Variants in DLEC1 observed in about 807,000 individuals in gnomAD.
DLEC1 encodes the protein DLEC1 cilia and flagella associated protein.
In DLEC1, 146 loss-of-function variants were observed where a neutral mutation model predicts 198.1. The observed-to-expected ratio is 0.74, with a 90% CI of 0.64 to 0.85. The LOEUF is 0.85. Ranked by LOEUF, DLEC1 falls within the 40% of genes least tolerant of loss-of-function variation. The probability of loss-of-function intolerance (pLI) is 0.00; values close to 1 mark genes in which losing one functional copy is unlikely to be tolerated. For synonymous variants in DLEC1, 897 were observed against 866.8 expected, an observed-to-expected ratio of 1.03 and a Z score of -0.61; for missense variants, 2,233 against 2,220.0, an observed-to-expected ratio of 1.01 and a Z score of -0.12.
chr3:38,103,573 C>A (rs374886702), intron 19 of DLEC1: 1 of 152,174 alleles, frequency 6.6e-6, no homozygotes. Context: ...TATTACATTT[C>A]TTTGCATTCA....
At chr3:38,041,203 T>A (rs1020142859) in intron 1 of DLEC1, among the ~76,000 whole-genome samples, 1 of 152,002 alleles carries the variant, frequency 6.6e-6, no homozygotes, top group Non-Finnish European at 1.5e-5. Flanking sequence ...AGGGTTTCAC[T>A]GTGTTAGCCA....
intron 6 of DLEC1, among the ~76,000 whole-genome samples, chr3:38,077,332 G>A (rs1458989161): frequency 2.0e-5 from 3 of 152,220 alleles, no homozygotes; most frequent in Admixed American, 2.0e-4. Flanking sequence ...CACAGTCTAA[G>A]TTGGTCCAGT....
At chr3:38,107,439 T>G (rs1029091017) in intron 19 of DLEC1, 145 bp from the exon 20 acceptor site, 1 of 773,612 alleles carries the variant, frequency 1.3e-6, no homozygotes. Context: ...TCCTGAAACT[T>G]TGCCGAACCC....
At chr3:38,088,166 A>G (rs1003689096) in intron 9 of DLEC1, 130 bp from the exon 10 acceptor site, 3 of 766,112 alleles carry the variant, frequency 3.9e-6, no homozygotes, top group Non-Finnish European at 4.3e-6. Context: ...TTTTTTCATT[A>G]CCATGTGACT....
intron 7 of DLEC1, among the ~76,000 whole-genome samples, chr3:38,084,742 C>A (rs933404843): frequency 1.3e-5 from 2 of 151,902 alleles, no homozygotes; most frequent in South Asian, 4.2e-4. Flanking sequence ...GAGGGCTCCT[C>A]ATGCTCCACC....
At chr3:38,074,504 C>T (rs1254161893) in intron 6 of DLEC1, among the ~76,000 whole-genome samples, 2 of 152,164 alleles carry the variant, frequency 1.3e-5, no homozygotes, top group Non-Finnish European at 2.9e-5. Flanking sequence ...TTCGTCTTTA[C>T]CTTGGGTAGT....
rs138849675 is a variant in DLEC1 at position 38,047,737 on chromosome 3, T to A, written c.562+2044T>A. Among the ~76,000 whole-genome samples, 1,137 of 152,190 alleles carry A rather than the reference T, an allele frequency of 7.5e-3. 12 individuals carry two copies. Among genetic ancestry groups the A allele is most frequent in the Non-Finnish European group, 8.6e-3 (588 of 67,988 alleles). On this transcript the variant is annotated intron_variant, in intron 2 of 36. Coordinates refer to ENST00000308059, the MANE Select transcript of DLEC1 (RefSeq NM_007335.4). ...CTGTGTGTTTCCCTCAGGAGGTACA[T>A]GATATGTGGTTGCTATCTCTCCTTT...
Position 38,097,286 on chromosome 3 carries a change from G to A in DLEC1, c.2434+11G>A. The A allele has an allele frequency of 6.4e-7, 1 of 1,570,172 alleles. No individual in the cohort carries two copies. The highest frequency in any genetic ancestry group is 2.4e-5 in the East Asian group (1 of 42,378). ...GCACAGGGGTCATAGGTACCTTGGGGACTGCAGGAGGGGTTGTGACCTGCC... is the reference window on the plus strand; with the variant it reads ...GCACAGGGGTCATAGGTACCTTGGGAACTGCAGGAGGGGTTGTGACCTGCC... On this transcript the variant is annotated intron_variant, in intron 16 of 36. Coordinates refer to ENST00000308059, the MANE Select transcript of DLEC1 (RefSeq NM_007335.4).
chr3:38,121,959 C>T (rs74921992), intron 35 of DLEC1, 112 bp from the exon 36 acceptor site: 31,967 of 1,535,820 alleles, frequency 0.021, 418 homozygotes, highest in African/African-American at 0.04. Context: ...GGTTGCCCTG[C>T]CCTGCAGTGC....
At chr3:38,078,038 A>T (rs1030422659) in intron 6 of DLEC1, among the ~76,000 whole-genome samples, 14 of 150,612 alleles carry the variant, frequency 9.3e-5, no homozygotes, top group African/African-American at 3.2e-4. Context: ...TAAATCAAGC[A>T]TGATCAGGGT....
rs1488825256 is a variant in DLEC1 at position 38,112,684 on chromosome 3, G to A, written c.3666+323G>A. ...GGGCCAGGACCCAAGACTTGGAGTA[G>A]GGAGTGTGGAGTGGAGGGACAGTAG... is the stretch of plus-strand genomic sequence containing the variant. On this transcript the variant is annotated intron_variant, in intron 25 of 36. Coordinates refer to ENST00000308059, the MANE Select transcript of DLEC1 (RefSeq NM_007335.4). This position sits in a 1 kb window ranked among gnomAD's most constrained non-coding sequence, Gnocchi z 4.8. Among the ~76,000 whole-genome samples the A allele has an allele frequency of 6.6e-6, 1 of 152,226 alleles. No homozygotes were observed. Among genetic ancestry groups the A allele is most frequent in the African/African-American group, 2.4e-5 (1 of 41,466 alleles).
intron 6 of DLEC1, among the ~76,000 whole-genome samples, chr3:38,076,370 G>A (rs2125645519): frequency 6.6e-6 from 1 of 152,312 alleles, no homozygotes; most frequent in South Asian, 2.1e-4. Context: ...GGTACAAGTG[G>A]GCTGAGTCTG....
In DLEC1 at chr3:38,110,278, G is replaced by A. The variant is rs898595374; in HGVS notation, c.3440G>A (p.Ser1147Asn). Residue 1147 changes from serine to asparagine, a missense_variant, in exon 23 of 37, where the codon AGC becomes AAC. Ser to Asn is a conservative substitution (Grantham distance 46). Coordinates refer to ENST00000308059, the MANE Select transcript of DLEC1 (RefSeq NM_007335.4). ...CAAAACAGCCTGAGCAAAAAGACCA[G>A]CCTGTAAGTCTTGCTTCTTTCACTT... ...SPQNSLSKKT[S>N]LPNMPPALLK... 1.9e-6 allele frequency: 3 copies of A among 1,614,114 alleles called. No homozygotes were observed. Among genetic ancestry groups the A allele is most frequent in the Non-Finnish European group, 2.5e-6 (3 of 1,180,012 alleles).
chr3:38,114,971 G>C lies in DLEC1; in HGVS notation c.3786-12G>C. The C allele has an allele frequency of 1.2e-6, 2 of 1,612,624 alleles. No individual in the cohort carries two copies. The highest frequency in any genetic ancestry group is 1.7e-6 in the Non-Finnish European group (2 of 1,179,220). On this transcript the variant is annotated splice_polypyrimidine_tract_variant and intron_variant, in intron 26 of 36. Transcript: ENST00000308059. ...GCTGTGGCTGTACTGAGTCCAGTCT[G>C]TCCCCCTCCAGGTTCGGCACCCAGG... is the stretch of plus-strand genomic sequence containing the variant.
chr3:38,062,961 T>C (rs1696776839), intron 5 of DLEC1, among the ~76,000 whole-genome samples, 160 bp downstream of exon 5: 1 of 152,112 alleles, frequency 6.6e-6, no homozygotes, highest in South Asian at 2.1e-4. Context: ...TGGTGTGGCC[T>C]TTGAACCTTC....
Position 38,120,602 on chromosome 3 carries a change from C to T in DLEC1, c.4859C>T (p.Thr1620Ile), listed in dbSNP as rs1031548403. 2 of 1,613,254 alleles carry T rather than the reference C, an allele frequency of 1.2e-6. No individual in the cohort carries two copies. Among genetic ancestry groups the T allele is most frequent in the Non-Finnish European group, 1.7e-6 (2 of 1,179,994 alleles). ...CTGCTCCTGGAGTACACCAACCAGA[C>T]CACTCAGGCACGCCCCAGGCCCACC... ...QNLLLEYTNQ[T>I]TQVVPLRAVV... Residue 1620 changes from threonine (T) to isoleucine (I), a missense_variant, in exon 34 of 37, where the codon ACC becomes ATC. By Grantham distance (89) the Thr-to-Ile change is moderately conservative. Transcript: ENST00000308059.
rs1698397237 is a variant in DLEC1, at chr3:38,085,379, T to C, written c.1367T>C (p.Val456Ala). 1 of 1,614,018 alleles carries C rather than the reference T, an allele frequency of 6.2e-7. No individual in the cohort carries two copies. Among genetic ancestry groups the C allele is most frequent in the Admixed American group, 1.7e-5 (1 of 60,006 alleles). The change falls in exon 8 of 37, where the codon GTG becomes GCG. Residue 456 changes from valine (V) to alanine (A), a missense_variant. Val to Ala is a moderately conservative substitution (Grantham distance 64, BLOSUM62 0). Coordinates refer to ENST00000308059, the MANE Select transcript of DLEC1 (RefSeq NM_007335.4). ...GGGGATTTTGATGATTTTATTTTAG[T>C]GGAGACCCAGTCAGCCCACACACTT... ...CLGDFDDFIL[V>A]ETQSAHTLLI...
chr3:38,115,034 G>C lies in DLEC1; in HGVS notation c.3837G>C (p.Leu1279=). The C allele has an allele frequency of 6.2e-7, 1 of 1,613,958 alleles. No homozygotes were observed. The highest frequency in any genetic ancestry group is 8.5e-7 in the Non-Finnish European group (1 of 1,179,920). The change falls in exon 27 of 37, where the codon CTG becomes CTC. Residue 1279 remains leucine, a synonymous_variant. Transcript: ENST00000308059. ...ACACAGTTACCCGAACCCTTCGCCT[G>C]AATAACTCCAGCCCCTGTGGTAAGA... ...GGDTVTRTLR[L]NNSSPCDIRL... is the part of the protein sequence containing the mutation.
chr3:38,094,930 C>T lies in DLEC1; in HGVS notation c.1971C>T (p.Pro657=), dbSNP rs1420896661. 2 of 1,614,088 alleles carry T rather than the reference C, an allele frequency of 1.2e-6. No homozygotes were observed. Among genetic ancestry groups the T allele is most frequent in the African/African-American group, 2.7e-5 (2 of 74,942 alleles). Residue 657 remains proline, a synonymous_variant, in exon 13 of 37, where the codon CCC becomes CCT. Coordinates refer to ENST00000308059, the MANE Select transcript of DLEC1 (RefSeq NM_007335.4). Reference sequence around the variant, plus strand: ...AGATCATGAAGCCCAACCTGCAGCCCCTCATGCCTGGAGAAACCTTCAGCA... The same window carrying T: ...AGATCATGAAGCCCAACCTGCAGCCTCTCATGCCTGGAGAAACCTTCAGCA... The part of the protein sequence containing the change: ...YWQIMKPNLQ[P]LMPGETFSMD...
Sources: allele counts gnomAD v4.1 joint callset (sites outside exome capture counted in the v4.1 genomes callset), GRCh38; gene constraint gnomAD v4.1.1; non-coding constraint Gnocchi (gnomAD v3.1); transcripts MANE v1.5; gene names NCBI Gene and HGNC (gene_info 2026-07-23, HGNC 2026-07-21).